SEMA6D: variants seen among roughly 807,000 people sequenced by gnomAD.
The protein encoded by SEMA6D is semaphorin 6D.
SEMA6D carries 35 observed loss-of-function variants against 106.6 expected under a neutral mutation model. The ratio of observed to expected loss-of-function variants is 0.33; its 90% CI spans 0.25 to 0.44. The LOEUF is 0.44. Among genes scored for constraint, SEMA6D ranks in the 20% least tolerant of loss-of-function variants. The pLI, the probability that SEMA6D is intolerant of heterozygous loss-of-function variation, is 1.00. For synonymous variants in SEMA6D, 499 were observed against 487.7 expected, an observed-to-expected ratio of 1.02 and a Z score of -0.31; for missense variants, 1,185 against 1,345.9, an observed-to-expected ratio of 0.88 and a Z score of 1.87.
chr15:47,596,612 C>T (rs1351592088), intron 3 of SEMA6D, among the ~76,000 whole-genome samples: 1 of 151,934 alleles, frequency 6.6e-6, no homozygotes, highest in Admixed American at 6.6e-5. Flanking sequence ...GAATTGGGAA[C>T]CCAGAAATGA....
At chr15:47,603,199 A>G (rs991333641) in intron 4 of SEMA6D, among the ~76,000 whole-genome samples, 2 of 152,080 alleles carry the variant, frequency 1.3e-5, no homozygotes, top group Non-Finnish European at 2.9e-5. Context: ...TCTGATGTCA[A>G]TGGCTCCCTT....
chr15:47,652,251 A>T (rs1217598572), intron 4 of SEMA6D, among the ~76,000 whole-genome samples: 1 of 152,172 alleles, frequency 6.6e-6, no homozygotes, highest in Non-Finnish European at 1.5e-5. Context: ...GACAAAGAGG[A>T]GAAAAAACCC....
chr15:47,673,586 T>A (rs963504773), intron 4 of SEMA6D, among the ~76,000 whole-genome samples: 21 of 152,148 alleles, frequency 1.4e-4, no homozygotes, highest in Non-Finnish European at 3.1e-4. Context: ...AACCTCGTTT[T>A]GATGCAGTGG....
At chr15:47,669,890 A>G (rs1477889103) in intron 4 of SEMA6D, among the ~76,000 whole-genome samples, 1 of 152,188 alleles carries the variant, frequency 6.6e-6, no homozygotes, top group East Asian at 1.9e-4. Flanking sequence ...TTCCAGACAA[A>G]GGGAATTGTA....
intron 2 of SEMA6D, among the ~76,000 whole-genome samples, chr15:47,434,676 T>C (rs774899239): frequency 6.6e-6 from 1 of 152,136 alleles, no homozygotes; most frequent in Non-Finnish European, 1.5e-5. Context: ...ACACAGCACA[T>C]AAATAATGTC....
intron 1 of SEMA6D, among the ~76,000 whole-genome samples, chr15:47,252,238 TTTC>T (rs1187220357): frequency 1.3e-5 from 2 of 152,132 alleles, no homozygotes; most frequent in Non-Finnish European, 2.9e-5. Flanking sequence ...AGTGTTGCGA[TTTC>T]TTCATTTTAA....
intron 1 of SEMA6D, among the ~76,000 whole-genome samples, chr15:47,365,450 T>C (rs1051428911): frequency 5.9e-5 from 9 of 152,150 alleles, no homozygotes; most frequent in Non-Finnish European, 1.2e-4. Flanking sequence ...AATATCTCTT[T>C]CCCAGATAGA....
intron 1 of SEMA6D, among the ~76,000 whole-genome samples, chr15:47,736,266 T>C (rs2080440906): frequency 6.6e-6 from 1 of 152,168 alleles, no homozygotes; most frequent in Non-Finnish European, 1.5e-5. Flanking sequence ...ACATTTGTAT[T>C]AGCATTGAGT....
intron 3 of SEMA6D, among the ~76,000 whole-genome samples, chr15:47,575,232 G>A (rs1217782436): frequency 1.3e-5 from 2 of 152,160 alleles, no homozygotes; most frequent in African/African-American, 4.8e-5. Flanking sequence ...AGGATCAGAG[G>A]ATACATGGCT....
chr15:47,770,888 G>A lies in SEMA6D; in HGVS notation c.2325G>A (p.Glu775=). 1 of 1,613,164 alleles carries A rather than the reference G, an allele frequency of 6.2e-7. No individual in the cohort carries two copies. The change falls in exon 19 of 19, where the codon GAG becomes GAA. Residue 775 remains glutamate, a synonymous_variant. Coordinates refer to ENST00000536845, the MANE Select transcript of SEMA6D (RefSeq NM_001358351.3). ...AGTTGGCTGCTCTTCCTACTCCTGAGTCTACACCCGTGCTTCACCAGAAGA... is the reference window on the plus strand; with the variant it reads ...AGTTGGCTGCTCTTCCTACTCCTGAATCTACACCCGTGCTTCACCAGAAGA... The part of the protein sequence containing the change: ...PPELAALPTP[E]STPVLHQKTL...
intron 1 of SEMA6D, among the ~76,000 whole-genome samples, chr15:47,370,842 G>C (rs1237392703): frequency 2.0e-5 from 3 of 152,096 alleles, no homozygotes; most frequent in Non-Finnish European, 4.4e-5. Flanking sequence ...CTCCAGCCTG[G>C]GTGACAGAGC....
intron 1 of SEMA6D, among the ~76,000 whole-genome samples, chr15:47,728,634 A>C (rs1005254918): frequency 6.6e-6 from 1 of 152,234 alleles, no homozygotes; most frequent in African/African-American, 2.4e-5. Context: ...AAAGCCACAC[A>C]GATGTATTAT....
intron 3 of SEMA6D, among the ~76,000 whole-genome samples, chr15:47,519,623 A>T (rs1222695453): frequency 6.6e-6 from 1 of 152,212 alleles, no homozygotes; most frequent in Non-Finnish European, 1.5e-5. Flanking sequence ...ACTCAGGCGC[A>T]CCTACTTGCC....
chr15:47,252,152 C>T (rs923062830), intron 1 of SEMA6D, among the ~76,000 whole-genome samples: 23 of 145,372 alleles, frequency 1.6e-4, no homozygotes, highest in Middle Eastern at 3.5e-3. Context: ...CTCCTGACCT[C>T]GTGATCCGCC....
chr15:47,568,193 T>TAAAAAAAAAAA, intron 3 of SEMA6D, among the ~76,000 whole-genome samples: 1 of 141,162 alleles, frequency 7.1e-6, no homozygotes, highest in Non-Finnish European at 1.5e-5. Context: ...TTTTGCCATT[T>TAAAAAAAAAAA]AAAAAAAAAA....
chr15:47,237,365 C>G (rs1341602084), intron 1 of SEMA6D, among the ~76,000 whole-genome samples: 1 of 152,102 alleles, frequency 6.6e-6, no homozygotes, highest in Non-Finnish European at 1.5e-5. Context: ...GATTGTCTGG[C>G]AAACCCTAGA....
At chr15:47,285,936 AT>A (rs1350840887) in intron 1 of SEMA6D, among the ~76,000 whole-genome samples, 7 of 152,130 alleles carry the variant, frequency 4.6e-5, no homozygotes, top group Non-Finnish European at 7.4e-5. Context: ...ATATTGGAAG[AT>A]TTTTTTTAAA....
intron 15 of SEMA6D, 113 bp from the exon 16 acceptor site, chr15:47,766,503 C>A (rs1397900603): frequency 2.0e-5 from 14 of 697,232 alleles, no homozygotes; most frequent in African/African-American, 1.9e-5. Flanking sequence ...TTTTTTTTTT[C>A]TCTCTCTGCC....
intron 1 of SEMA6D, among the ~76,000 whole-genome samples, chr15:47,239,301 A>G (rs1306108842): frequency 6.6e-6 from 1 of 152,202 alleles, no homozygotes; most frequent in South Asian, 2.1e-4. Context: ...CTTATTCTAC[A>G]TTATGGTAAG....
Sources: allele counts gnomAD v4.1 joint callset (sites outside exome capture counted in the v4.1 genomes callset), GRCh38; gene constraint gnomAD v4.1.1; transcripts MANE v1.5; gene names NCBI Gene and HGNC (gene_info 2026-07-23, HGNC 2026-07-21).